The following FOXN3 variants were observed in gnomAD, a reference collection of about 807,000 sequenced individuals.
FOXN3 encodes the protein forkhead box N3.
In FOXN3, 7 loss-of-function variants were observed where a neutral mutation model predicts 38.4. The observed-to-expected ratio is 0.18, with a 90% CI of 0.10 to 0.34. The LOEUF (loss-of-function observed/expected upper bound fraction) is 0.34, where lower values mean the gene tolerates loss of function less well. Among genes scored for constraint, FOXN3 ranks in the 10% least tolerant of loss-of-function variants. The pLI is 1.00. For synonymous variants in FOXN3, 230 were observed against 242.2 expected, an observed-to-expected ratio of 0.95 and a Z score of 0.47; for missense variants, 456 against 613.4, an observed-to-expected ratio of 0.74 and a Z score of 2.71.
At chr14:89,604,998 T>C (rs1349217710) in intron 1 of FOXN3, among the ~76,000 whole-genome samples, 1 of 151,286 alleles carries the variant, frequency 6.6e-6, no homozygotes, top group Non-Finnish European at 1.5e-5. Flanking sequence ...CAGTGAACAA[T>C]AGCTTAAAGA....
In FOXN3 at chr14:89,246,481, T is replaced by C. The variant is rs1046473307; in HGVS notation, c.745+34469A>G. On this transcript the variant is annotated intron_variant, in intron 4 of 5. Coordinates refer to ENST00000557258, the MANE Select transcript of FOXN3 (RefSeq NM_005197.4). ...TCTACAGAGTGGGCAGAGAATCTCA[T>C]CTGAGTGCCCGCCCCACCCAGCGCC... 1.4e-3 allele frequency among the ~76,000 whole-genome samples: 209 copies of C among 149,910 alleles called. 2 individuals carry two copies. In the Admixed American group the frequency reaches 0.014, roughly 10 times the overall value.
intron 1 of FOXN3, among the ~76,000 whole-genome samples, chr14:89,586,597 G>GGTATGCT (rs1376932885): frequency 6.6e-6 from 1 of 152,174 alleles, no homozygotes; most frequent in Non-Finnish European, 1.5e-5. Flanking sequence ...TTGATGAAAA[G>GGTATGCT]GTATGCTGTT....
intron 2 of FOXN3, among the ~76,000 whole-genome samples, chr14:89,363,959 TATATATATATATATATATA>T (rs1890004687): frequency 9.4e-5 from 1 of 10,690 alleles, no homozygotes; most frequent in African/African-American, 2.1e-4. Flanking sequence ...TATATATATA[TATATATATATATATATATA>T]TATATATATA....
chr14:89,259,119 G>C (rs1016742297), intron 4 of FOXN3, among the ~76,000 whole-genome samples: 40 of 152,190 alleles, frequency 2.6e-4, no homozygotes, highest in African/African-American at 8.9e-4. Context: ...GAGACAAGAA[G>C]GCAATGTTCC....
chr14:89,251,145 C>A (rs974134078), intron 4 of FOXN3, among the ~76,000 whole-genome samples: 1 of 152,174 alleles, frequency 6.6e-6, no homozygotes, highest in South Asian at 2.1e-4. Flanking sequence ...TAACAAAATG[C>A]CCCTACTTGT....
chr14:89,539,580 C>T (rs1358173070), intron 1 of FOXN3, among the ~76,000 whole-genome samples: 1 of 152,224 alleles, frequency 6.6e-6, no homozygotes, highest in Non-Finnish European at 1.5e-5. Context: ...CTGCTCACCA[C>T]TTACATTGTG....
At chr14:89,394,231 T>TTTC (rs1891043936) in intron 2 of FOXN3, among the ~76,000 whole-genome samples, 1 of 146,796 alleles carries the variant, frequency 6.8e-6, no homozygotes, top group Admixed American at 6.8e-5. Context: ...TTTTTTTTTT[T>TTTC]TTTGAGATGG....
chr14:89,472,019 G>T (rs1247819735), intron 1 of FOXN3, among the ~76,000 whole-genome samples: 3 of 152,186 alleles, frequency 2.0e-5, no homozygotes, highest in Non-Finnish European at 4.4e-5. Context: ...ACTTTGGGAG[G>T]CCAAGGTGGG....
At chr14:89,317,681 T>C (rs895586276) in intron 3 of FOXN3, among the ~76,000 whole-genome samples, 1 of 152,040 alleles carries the variant, frequency 6.6e-6, no homozygotes, top group Admixed American at 6.6e-5. Flanking sequence ...CACCTTTGAT[T>C]GCAACAATTG....
rs532922555 is a variant in FOXN3, at chr14:89,458,835, G to A, written c.-14-46345C>T. ...ACAAGTTTTGGCCAGTCCTGCCCCA[G>A]AGAAGATAAAGCCCTTAAATAAAGA... On this transcript the variant is annotated intron_variant, in intron 1 of 6. Transcript: ENST00000345097. Among the ~76,000 whole-genome samples the A allele has an allele frequency of 3.3e-5, 5 of 152,242 alleles. No individual in the cohort carries two copies. In the South Asian group the frequency reaches 1.0e-3, roughly 32 times the overall value.
At chr14:89,428,679 G>T (rs555763300) in intron 1 of FOXN3, among the ~76,000 whole-genome samples, 1 of 152,342 alleles carries the variant, frequency 6.6e-6, no homozygotes, top group East Asian at 1.9e-4. Flanking sequence ...GGGTCCCGGA[G>T]GGGGTGCTGC....
intron 1 of FOXN3, among the ~76,000 whole-genome samples, chr14:89,432,239 C>T (rs569221583): frequency 4.7e-4 from 71 of 152,302 alleles, no homozygotes; most frequent in Non-Finnish European, 8.2e-4. Context: ...TGCAGGCAGA[C>T]TCCACCTCTC....
chr14:89,166,338 GAA>G (rs1887241867), intron 5 of FOXN3, among the ~76,000 whole-genome samples: 1 of 152,178 alleles, frequency 6.6e-6, no homozygotes, highest in South Asian at 2.1e-4. Context: ...AGGGAGAATA[GAA>G]AAGAGAATGA....
At chr14:89,209,402 T>C (rs754888381) in intron 4 of FOXN3, among the ~76,000 whole-genome samples, 16 of 152,246 alleles carry the variant, frequency 1.1e-4, no homozygotes, top group Admixed American at 3.3e-4. Flanking sequence ...TTGAGAGATA[T>C]TGGAGCACCA....
chr14:89,213,871 T>G (rs536389117), intron 4 of FOXN3, among the ~76,000 whole-genome samples: 27 of 152,356 alleles, frequency 1.8e-4, no homozygotes, highest in South Asian at 6.2e-4. Flanking sequence ...AATAATTTAT[T>G]AAGCTATTGT....
chr14:89,318,955 T>C (rs1259454111), intron 3 of FOXN3, among the ~76,000 whole-genome samples: 5 of 152,164 alleles, frequency 3.3e-5, no homozygotes, highest in African/African-American at 1.2e-4. Flanking sequence ...ACAGAGAAGC[T>C]ATTGCAGGGA....
chr14:89,299,176 C>G (rs1467556893), intron 3 of FOXN3, among the ~76,000 whole-genome samples: 1 of 152,204 alleles, frequency 6.6e-6, no homozygotes, highest in East Asian at 1.9e-4. Flanking sequence ...CCAAATCTCA[C>G]CTTGAACTGT....
In FOXN3 at chr14:89,244,952, T is replaced by C. The variant is rs565219443; in HGVS notation, c.745+35998A>G. On this transcript the variant is annotated intron_variant, in intron 4 of 5. Transcript: ENST00000557258. The stretch of plus-strand genomic sequence containing the variant: ...GATATGCTGGGGATAGCACAATGAA[T>C]GAAGAAGAAAGTCCCTGTCCTCAGA... 1.1e-4 allele frequency among the ~76,000 whole-genome samples: 16 copies of C among 152,274 alleles called. 1 individual carries two copies. In the East Asian group the frequency reaches 3.1e-3, roughly 29 times the overall value.
intron 4 of FOXN3, among the ~76,000 whole-genome samples, chr14:89,208,869 C>G (rs1026266812): frequency 1.3e-5 from 2 of 152,164 alleles, no homozygotes; most frequent in Non-Finnish European, 2.9e-5. Flanking sequence ...ACAATCTGCT[C>G]GACCCCTCCA....
Sources: allele counts gnomAD v4.1 joint callset (sites outside exome capture counted in the v4.1 genomes callset), GRCh38; gene constraint gnomAD v4.1.1; transcripts MANE v1.5; gene names NCBI Gene and HGNC (gene_info 2026-07-23, HGNC 2026-07-21).